The following BTBD10 variants were observed in gnomAD, a reference collection of about 807,000 sequenced individuals.
BTBD10 encodes BTB domain containing 10.
BTBD10 carries 21 observed loss-of-function variants against 53.2 expected under a neutral mutation model. The observed-to-expected ratio is 0.39, with a 90% CI of 0.28 to 0.57. The LOEUF (loss-of-function observed/expected upper bound fraction) is 0.57, where lower values mean the gene tolerates loss of function less well. Ranked by LOEUF, BTBD10 falls within the 20% of genes least tolerant of loss-of-function variation. The pLI, the probability that BTBD10 is intolerant of heterozygous loss-of-function variation, is 0.53. For missense variants in BTBD10, 360 were observed against 594.7 expected (o/e 0.61, Z 4.10); for synonymous variants, 149 against 192.7 (o/e 0.77, Z 1.88).
At chr11:13,399,379 C>T (rs1479455408) in intron 8 of BTBD10, among the ~76,000 whole-genome samples, 2 of 152,212 alleles carry the variant, frequency 1.3e-5, no homozygotes, top group African/African-American at 4.8e-5. Context: ...AGTTCTCGTG[C>T]CGTGGCTTTC....
intron 5 of BTBD10, among the ~76,000 whole-genome samples, chr11:13,416,029 A>C (rs1450058744): frequency 2.6e-5 from 4 of 151,964 alleles, no homozygotes; most frequent in African/African-American, 7.3e-5. Flanking sequence ...AAAAAAAAAA[A>C]CAGTTAAAAC....
intron 7 of BTBD10, chr11:13,404,578 C>T: frequency 1.0e-6 from 1 of 975,646 alleles, no homozygotes; most frequent in Non-Finnish European, 1.2e-6. Context: ...TTTTTGACAA[C>T]CTTTCACTTT....
intron 1 of BTBD10, among the ~76,000 whole-genome samples, chr11:13,451,443 A>G (rs1315456806): frequency 6.6e-6 from 1 of 152,150 alleles, no homozygotes; most frequent in African/African-American, 2.4e-5. Flanking sequence ...ATGTGAGTAC[A>G]ATCTCTGCCC....
At chr11:13,457,777 G>A (rs1020142065) in intron 1 of BTBD10, among the ~76,000 whole-genome samples, 1 of 152,076 alleles carries the variant, frequency 6.6e-6, no homozygotes, top group Admixed American at 6.5e-5. Context: ...AGGGGTGTAT[G>A]TAATATTCAT....
intron 8 of BTBD10, among the ~76,000 whole-genome samples, chr11:13,393,236 G>A (rs1004458074): frequency 3.3e-5 from 5 of 152,132 alleles, no homozygotes; most frequent in African/African-American, 1.2e-4. Flanking sequence ...ATGAATATGG[G>A]ACCACAGAGC....
intron 5 of BTBD10, among the ~76,000 whole-genome samples, chr11:13,414,717 G>A (rs1409755755): frequency 1.3e-5 from 2 of 151,034 alleles, no homozygotes; most frequent in East Asian, 3.9e-4. Flanking sequence ...GTGCACACCT[G>A]TAATCCTAGC....
intron 2 of BTBD10, among the ~76,000 whole-genome samples, chr11:13,423,746 T>TGA (rs1308467176): frequency 6.6e-6 from 1 of 152,208 alleles, no homozygotes; most frequent in East Asian, 1.9e-4. Flanking sequence ...ATTTTGGTGG[T>TGA]TTCTTTCATT....
At chr11:13,434,759 T>A (rs1950516711) in intron 2 of BTBD10, among the ~76,000 whole-genome samples, 1 of 152,220 alleles carries the variant, frequency 6.6e-6, no homozygotes, top group Non-Finnish European at 1.5e-5. Flanking sequence ...CTGTAAATAA[T>A]CAGGCGAAAG....
intron 6 of BTBD10, among the ~76,000 whole-genome samples, chr11:13,408,147 T>C (rs565523267): frequency 1.3e-5 from 2 of 152,346 alleles, no homozygotes; most frequent in African/African-American, 4.8e-5. Context: ...AAAATGGTTA[T>C]AGTTTATGCT....
intron 2 of BTBD10, among the ~76,000 whole-genome samples, chr11:13,428,168 G>T (rs562475521): frequency 6.6e-6 from 1 of 152,048 alleles, no homozygotes; most frequent in South Asian, 2.1e-4. Flanking sequence ...AATAATAAAA[G>T]AATATTATAA....
At chr11:13,453,676 G>A (rs1950909518) in intron 1 of BTBD10, among the ~76,000 whole-genome samples, 1 of 152,100 alleles carries the variant, frequency 6.6e-6, no homozygotes. Context: ...GATCCTTGAG[G>A]GCAAGAACAA....
intron 8 of BTBD10, among the ~76,000 whole-genome samples, chr11:13,402,875 A>G (rs1048185705): frequency 4.6e-5 from 7 of 152,190 alleles, no homozygotes; most frequent in African/African-American, 1.7e-4. Flanking sequence ...TCATGTCCAC[A>G]CACACCACAT....
At chr11:13,395,837 T>C (rs978732730) in intron 8 of BTBD10, among the ~76,000 whole-genome samples, 6 of 152,224 alleles carry the variant, frequency 3.9e-5, no homozygotes, top group African/African-American at 1.4e-4. Flanking sequence ...TTGTCAAAGA[T>C]CAGATAGTTG....
chr11:13,459,435 G>A (rs949411029), intron 1 of BTBD10, among the ~76,000 whole-genome samples: 4 of 152,004 alleles, frequency 2.6e-5, no homozygotes, highest in African/African-American at 9.7e-5. Context: ...GATACACTAG[G>A]GGAAATGCAA....
chr11:13,439,931 T>A, intron 2 of BTBD10: 5 of 1,534,382 alleles, frequency 3.3e-6, no homozygotes, highest in African/African-American at 1.4e-5. Context: ...AAGAAAAAAA[T>A]TTTGAAATCA....
At chr11:13,459,841 T>C (rs568901683) in intron 1 of BTBD10, 14 of 152,200 alleles carry the variant, frequency 9.2e-5, no homozygotes, top group African/African-American at 3.1e-4. Context: ...TCCCTTAGCC[T>C]CCCCTGATCC....
intron 6 of BTBD10, among the ~76,000 whole-genome samples, chr11:13,412,091 A>G (rs1446517133): frequency 2.0e-5 from 3 of 152,056 alleles, no homozygotes; most frequent in Non-Finnish European, 2.9e-5. Flanking sequence ...TCTGCCTCCC[A>G]AAGTGCTGAG....
intron 2 of BTBD10, among the ~76,000 whole-genome samples, chr11:13,434,128 T>C (rs1474117078): frequency 6.6e-6 from 1 of 152,164 alleles, no homozygotes; most frequent in African/African-American, 2.4e-5. Flanking sequence ...GCAATAAATA[T>C]GTATAGCCTA....
At chr11:13,435,229 T>C (rs1418385537) in intron 2 of BTBD10, among the ~76,000 whole-genome samples, 1 of 152,274 alleles carries the variant, frequency 6.6e-6, no homozygotes, top group Non-Finnish European at 1.5e-5. Flanking sequence ...GCTAAATTAA[T>C]GGTTGCACAG....
Sources: allele counts gnomAD v4.1 joint callset (sites outside exome capture counted in the v4.1 genomes callset), GRCh38; gene constraint gnomAD v4.1.1; transcripts MANE v1.5; gene names NCBI Gene and HGNC (gene_info 2026-07-23, HGNC 2026-07-21).